Variants in SLCO1B1 observed in about 807,000 individuals in gnomAD.
SLCO1B1 encodes the protein solute carrier organic anion transporter family member 1B1.
A neutral mutation model predicts 70.1 loss-of-function variants in SLCO1B1; 81 were observed. The ratio of observed to expected loss-of-function variants is 1.16; its 90% CI spans 0.97 to 1.39. The LOEUF (loss-of-function observed/expected upper bound fraction) is 1.39, where lower values mean the gene tolerates loss of function less well. Ranked by LOEUF, SLCO1B1 falls within the 40% of genes most tolerant of loss-of-function variation. The pLI is 0.00. For synonymous variants in SLCO1B1, 283 were observed against 271.5 expected (o/e 1.04, Z -0.42); for missense variants, 895 against 799.6 (o/e 1.12, Z -1.44).
At chr12:21,204,651 T>C (rs921753340) in intron 10 of SLCO1B1, among the ~76,000 whole-genome samples, 1 of 151,992 alleles carries the variant, frequency 6.6e-6, no homozygotes, top group Admixed American at 6.6e-5. Flanking sequence ...ACTGGGTCAT[T>C]GTCTTAGTCC....
At chr12:21,164,646 A>G (rs926235137) in intron 2 of SLCO1B1, among the ~76,000 whole-genome samples, 18 of 152,120 alleles carry the variant, frequency 1.2e-4, no homozygotes, top group African/African-American at 4.3e-4. Context: ...CTTCACCTAC[A>G]CAAATAATAT....
chr12:21,134,933 C>T (rs1940196691), intron 1 of SLCO1B1, among the ~76,000 whole-genome samples: 1 of 152,048 alleles, frequency 6.6e-6, no homozygotes, highest in Non-Finnish European at 1.5e-5. Context: ...GTTGGGGTGT[C>T]AATTTTGGAT....
At position 21,148,902 on chromosome 12, in the gene SLCO1B1, G is replaced by A. The variant is rs556811114; in HGVS notation, c.84+7244G>A. Among the ~76,000 whole-genome samples the A allele has an allele frequency of 2.0e-5, 3 of 152,146 alleles. No homozygotes were observed. In the East Asian group the frequency reaches 5.8e-4, roughly 29 times the overall value. On this transcript the variant is annotated intron_variant, in intron 2 of 14. Transcript: ENST00000256958. ...TTTGTGTCCTCTCTTATTTCATTGAGCAGTGGTTTGTAGTTCTCGTTGAAG... is the reference window on the plus strand; with the variant it reads ...TTTGTGTCCTCTCTTATTTCATTGAACAGTGGTTTGTAGTTCTCGTTGAAG...
intron 5 of SLCO1B1, among the ~76,000 whole-genome samples, chr12:21,177,707 C>A (rs1591809984): frequency 6.6e-6 from 1 of 152,004 alleles, no homozygotes; most frequent in East Asian, 1.9e-4. Flanking sequence ...AACCAGGAAA[C>A]TGCAAAAGGA....
intron 4 of SLCO1B1, among the ~76,000 whole-genome samples, chr12:21,176,319 T>A (rs1294005189): frequency 6.6e-6 from 1 of 152,118 alleles, no homozygotes; most frequent in Admixed American, 6.6e-5. Context: ...TCTCATCTAG[T>A]TGAAATGGAT....
intron 1 of SLCO1B1, among the ~76,000 whole-genome samples, chr12:21,139,195 A>T (rs3829308): frequency 0.099 from 15,078 of 151,940 alleles, 1,219 homozygotes; most frequent in East Asian, 0.45. Flanking sequence ...TAATTTTTTT[A>T]AAAAAAGATT....
intron 2 of SLCO1B1, among the ~76,000 whole-genome samples, chr12:21,162,669 A>G (rs530632127): frequency 2.6e-5 from 4 of 152,292 alleles, no homozygotes; most frequent in South Asian, 4.1e-4. Flanking sequence ...TATGTATAAT[A>G]CTTTTGTTCC....
chr12:21,153,859 C>A (rs1940505145), intron 2 of SLCO1B1, among the ~76,000 whole-genome samples: 1 of 151,834 alleles, frequency 6.6e-6, no homozygotes, highest in Non-Finnish European at 1.5e-5. Flanking sequence ...TATTTATACA[C>A]CTATAAAATT....
At chr12:21,214,556 C>T (rs1019858732) in intron 11 of SLCO1B1, among the ~76,000 whole-genome samples, 5 of 151,094 alleles carry the variant, frequency 3.3e-5, no homozygotes, top group African/African-American at 1.2e-4. Context: ...CCTACAGAGG[C>T]AGGCAGGCCT....
intron 1 of SLCO1B1, among the ~76,000 whole-genome samples, chr12:21,135,175 T>G (rs1940200033): frequency 6.6e-6 from 1 of 152,194 alleles, no homozygotes; most frequent in Non-Finnish European, 1.5e-5. Context: ...GAGTTCTAGT[T>G]TGATTGCGCT....
At chr12:21,148,774 C>A (rs1438983389) in intron 2 of SLCO1B1, among the ~76,000 whole-genome samples, 2 of 143,148 alleles carry the variant, frequency 1.4e-5, no homozygotes, top group African/African-American at 2.6e-5. Flanking sequence ...TCAATGGTAG[C>A]TTGATGGGGA....
At chr12:21,172,451 G>C (rs1032991993) in intron 2 of SLCO1B1, among the ~76,000 whole-genome samples, 199 bp from the exon 3 acceptor site, 2 of 152,222 alleles carry the variant, frequency 1.3e-5, no homozygotes, top group East Asian at 3.8e-4. Flanking sequence ...AATTAGAAAT[G>C]ATGCTTTATC....
chr12:21,161,722 A>T (rs1009108133), intron 2 of SLCO1B1, among the ~76,000 whole-genome samples: 1 of 149,732 alleles, frequency 6.7e-6, no homozygotes, highest in East Asian at 1.9e-4. Context: ...ATGTCAAATT[A>T]AAAAAAAAAG....
At chr12:21,174,450 A>G (rs1287785294) in intron 3 of SLCO1B1, 127 bp from the exon 4 acceptor site, 5 of 890,322 alleles carry the variant, frequency 5.6e-6, no homozygotes, top group Admixed American at 2.2e-5. Flanking sequence ...CACCTTCTCA[A>G]TTAAATCACA....
At chr12:21,169,181 G>A (rs1185935109) in intron 2 of SLCO1B1, among the ~76,000 whole-genome samples, 1 of 152,064 alleles carries the variant, frequency 6.6e-6, no homozygotes, top group Non-Finnish European at 1.5e-5. Context: ...CTGTTTGTGT[G>A]TAACTTTTGA....
intron 14 of SLCO1B1, among the ~76,000 whole-genome samples, chr12:21,230,199 G>T (rs1213986694): frequency 6.6e-6 from 1 of 151,892 alleles, no homozygotes; most frequent in African/African-American, 2.4e-5. Context: ...AACCAGTCTT[G>T]GAAACCTGAG....
intron 8 of SLCO1B1, 131 bp downstream of exon 8, chr12:21,197,319 A>C: frequency 2.2e-6 from 2 of 923,132 alleles, no homozygotes; most frequent in Middle Eastern, 3.4e-4. Context: ...ATTTAGATAA[A>C]TTATTTTTCT....
rs541560138 is a variant in SLCO1B1 at position 21,219,374 on chromosome 12, G to T, written c.1682+2071G>T. Among the ~76,000 whole-genome samples the T allele has an allele frequency of 4.6e-5, 7 of 152,272 alleles. No homozygotes were observed. The South Asian group carries it at 1.5e-3, about 32-fold the overall frequency. On this transcript the variant is annotated intron_variant, in intron 12 of 14. Transcript: ENST00000256958. ...AAGGTAGAAGAAAGGTCAGCGTCCT[G>T]GTGTGAAGTATAGTTGACATGTACA... is the stretch of plus-strand genomic sequence containing the variant.
chr12:21,190,832 C>T (rs1041439693), intron 7 of SLCO1B1, among the ~76,000 whole-genome samples: 1 of 152,030 alleles, frequency 6.6e-6, no homozygotes, highest in Non-Finnish European at 1.5e-5. Context: ...CATCCAAGTT[C>T]CTGCAAAATT....
Sources: allele counts gnomAD v4.1 joint callset (sites outside exome capture counted in the v4.1 genomes callset), GRCh38; gene constraint gnomAD v4.1.1; transcripts MANE v1.5; gene names NCBI Gene and HGNC (gene_info 2026-07-23, HGNC 2026-07-21).